RFC5: variants seen among roughly 807,000 people sequenced by gnomAD.
RFC5 encodes A1 36 kDa subunit.
A neutral mutation model predicts 44.3 loss-of-function variants in RFC5; 26 were observed. The ratio of observed to expected loss-of-function variants is 0.59; its 90% CI spans 0.43 to 0.81. The LOEUF is 0.81. RFC5 is among the 40% of genes least tolerant of loss of function. The pLI, the probability that RFC5 is intolerant of heterozygous loss-of-function variation, is 0.00. For synonymous variants in RFC5, 155 were observed against 155.2 expected, an observed-to-expected ratio of 1.00 and a Z score of 0.01; for missense variants, 328 against 418.6, an observed-to-expected ratio of 0.78 and a Z score of 1.89.
At position 118,019,136 on chromosome 12, in the gene RFC5, A is replaced by G; in HGVS notation, c.130A>G (p.Ile44Val). 1 of 1,609,946 alleles carries G rather than the reference A, an allele frequency of 6.2e-7. No individual in the cohort carries two copies. The highest frequency in any genetic ancestry group is 8.5e-7 in the Non-Finnish European group (1 of 1,176,344). ...LISHQDILST[I>V]QKFINEDRLP... is the part of the protein sequence containing the mutation. The stretch of plus-strand genomic sequence containing the variant: ...TTCTCATCAGGACATTCTGAGTACC[A>G]GTAAGTATTCATGTGTCAGTTGCTC... Residue 44 changes from isoleucine (I) to valine (V), a missense_variant and splice_region_variant, in exon 2 of 11, where the codon ATT becomes GTT. By Grantham distance (29) the Ile-to-Val change is conservative (BLOSUM62 3). Coordinates refer to ENST00000454402, the MANE Select transcript of RFC5 (RefSeq NM_007370.7). The surrounding 1 kb of genome is among the most constrained non-coding windows in gnomAD (Gnocchi z 4.2).
chr12:118,021,650 A>AAAAG (rs557830213), intron 4 of RFC5, among the ~76,000 whole-genome samples: 15 of 151,918 alleles, frequency 9.9e-5, no homozygotes, highest in African/African-American at 3.6e-4. Flanking sequence ...TAAAAAAAAA[A>AAAAG]AAAGAAAGAA....
chr12:118,018,449 A>G (rs547879374), intron 1 of RFC5, among the ~76,000 whole-genome samples: 14 of 152,334 alleles, frequency 9.2e-5, no homozygotes, highest in Non-Finnish European at 1.9e-4. Context: ...ACTGAGTGCC[A>G]TAGGACCCTC....
intron 9 of RFC5, 118 bp from the exon 10 acceptor site, chr12:118,029,652 AG>A (rs11331177): frequency 0.1 from 81,261 of 780,150 alleles, 8,124 homozygotes; most frequent in East Asian, 0.39. Context: ...TCTAGTGAGC[AG>A]GCTGAGGCCT....
chr12:118,035,875 T>G (rs2031498372), downstream of RFC5: 1 of 163,698 alleles, frequency 6.1e-6, no homozygotes, highest in South Asian at 1.6e-4. Flanking sequence ...CACTCAAAGC[T>G]ACTTGAGAGG....
chr12:118,038,315 C>T, the RFC5 span: 1 of 1,614,114 alleles, frequency 6.2e-7, no homozygotes, highest in Non-Finnish European at 8.5e-7. Flanking sequence ...CAGAGCACAG[C>T]ATGCTGCAGT....
chr12:118,032,698 A>G (rs2137753599), downstream of RFC5: 1 of 120,452 alleles, frequency 8.3e-6, no homozygotes, highest in Admixed American at 7.4e-5. Context: ...TTTTTTGGCT[A>G]TTTATTTATT....
At chr12:118,036,582 G>C, downstream of RFC5, 1 of 1,476,298 alleles carries the variant, frequency 6.8e-7, no homozygotes, top group Non-Finnish European at 9.1e-7. Flanking sequence ...GGAGGGAAAG[G>C]TACCACCACC....
At chr12:118,027,141 T>G in intron 8 of RFC5, 123 bp downstream of exon 8, 1 of 979,764 alleles carries the variant, frequency 1.0e-6, no homozygotes, top group Non-Finnish European at 1.5e-6. Context: ...CTGGTCAGCT[T>G]GTTGTGGGAG....
intron 5 of RFC5, among the ~76,000 whole-genome samples, chr12:118,022,686 A>C (rs1462313087): frequency 6.6e-6 from 1 of 151,352 alleles, no homozygotes; most frequent in Non-Finnish European, 1.5e-5. Context: ...GCTGGTCTCG[A>C]CCTCCTGACC....
At position 118,027,964 on chromosome 12, in the gene RFC5, T is replaced by C. The variant is rs753647368; in HGVS notation, c.805T>C (p.Leu269=). 2.5e-6 allele frequency: 4 copies of C among 1,606,008 alleles called. No homozygotes were observed. The South Asian group carries it at 4.4e-5, about 18-fold the overall frequency. ...FTTAYRNITE[L]KTLKGLALHD... is the part of the protein sequence containing the mutation. ...AACTGCTCCTCTAGATATTACAGAG[T>C]TGAAAACTCTGAAGGGGTTGGCACT... is the stretch of plus-strand genomic sequence containing the variant. The change falls in exon 9 of 11, where the codon TTG becomes CTG. Residue 269 remains leucine, a synonymous_variant. Transcript: ENST00000454402.
chr12:118,018,190 G>T, intron 1 of RFC5: 1 of 549,346 alleles, frequency 1.8e-6, no homozygotes, highest in South Asian at 2.5e-5. Flanking sequence ...TCCATTGTAT[G>T]GACAGAAGAG....
At chr12:118,025,180 A>G (rs537961989) in intron 6 of RFC5, 170 bp downstream of exon 6, 8 of 534,088 alleles carry the variant, frequency 1.5e-5, no homozygotes, top group Non-Finnish European at 2.6e-5. Context: ...CTGCTGTCTC[A>G]AGGCCATTCC....
downstream of RFC5, among the ~76,000 whole-genome samples, chr12:118,036,791 G>C (rs771224771): frequency 5.9e-5 from 9 of 152,218 alleles, no homozygotes; most frequent in Admixed American, 2.0e-4. Flanking sequence ...CGCATGTGCA[G>C]AGACTTCTGA....
chr12:118,021,988 A>G (rs1394686046), intron 4 of RFC5, among the ~76,000 whole-genome samples: 2 of 152,154 alleles, frequency 1.3e-5, no homozygotes, highest in Non-Finnish European at 2.9e-5. Context: ...GGACTCAGGC[A>G]TGAGTGAGGG....
downstream of RFC5, among the ~76,000 whole-genome samples, chr12:118,036,838 G>A (rs774740138): frequency 6.6e-6 from 1 of 152,184 alleles, no homozygotes; most frequent in Non-Finnish European, 1.5e-5. Context: ...TAGGGTAGTC[G>A]TATGTGCTGA....
intron 1 of RFC5, chr12:118,017,926 A>C: frequency 1.5e-6 from 1 of 677,480 alleles, no homozygotes; most frequent in South Asian, 1.7e-5. Context: ...TCTAGTTCCA[A>C]AATTTCATCA....
At chr12:118,039,447 G>A in the RFC5 span, among the ~76,000 whole-genome samples, 1 of 152,158 alleles carries the variant, frequency 6.6e-6, no homozygotes, top group Admixed American at 6.5e-5. Context: ...GAAGATGTAT[G>A]ATTCCATTTT....
downstream of RFC5, chr12:118,036,007 G>C (rs149214065): frequency 0.12 from 20,825 of 180,776 alleles, 1,498 homozygotes; most frequent in Non-Finnish European, 0.15. Flanking sequence ...TTTGAGACTA[G>C]CCTGGCCAAC....
downstream of RFC5, among the ~76,000 whole-genome samples, chr12:118,037,303 G>A (rs1340291034): frequency 6.6e-6 from 1 of 152,194 alleles, no homozygotes. Context: ...CCAAGACTGG[G>A]CCTCTGACCT....
Sources: gnomAD v4.1 joint callset for allele counts (sites outside exome capture counted in the v4.1 genomes callset) on GRCh38, gnomAD v4.1.1 for gene constraint, Gnocchi (gnomAD v3.1) non-coding constraint, MANE v1.5 for transcripts, NCBI Gene and HGNC (gene_info 2026-07-23, HGNC 2026-07-21) for gene names.